Variants in ABCC5 observed in about 807,000 individuals in gnomAD.
ABCC5 encodes the protein ATP-binding cassette sub-family C member 5.
Under a neutral mutation model 160.9 loss-of-function variants are expected in ABCC5, and 61 were observed. That is an observed-to-expected ratio of 0.38 (90% CI 0.31 to 0.47). The LOEUF (loss-of-function observed/expected upper bound fraction) is 0.47. Among genes scored for constraint, ABCC5 ranks in the 20% least tolerant of loss-of-function variants. The pLI is 0.99. For synonymous variants in ABCC5, 666 were observed against 700.6 expected (o/e 0.95, Z 0.78); for missense variants, 1,308 against 1,813.3 (o/e 0.72, Z 5.06).
chr3:183,981,785 A>G lies in ABCC5; in HGVS notation c.1089T>C (p.Thr363=). ...CATACATTTTGATAAATTTAATGTA[A>G]GTAAGAACTTCATTCATCTTCTGGA... ...ERVQKMNEVL[T]YIKFIKMYAW... Residue 363 remains threonine, a synonymous_variant, in exon 8 of 30, where the codon ACT becomes ACC. Transcript: ENST00000334444. The G allele has an allele frequency of 1.2e-6, 2 of 1,610,692 alleles. No individual in the cohort carries two copies. Among genetic ancestry groups the G allele is most frequent in the Non-Finnish European group, 1.7e-6 (2 of 1,179,052 alleles).
chr3:183,970,440 T>A (rs1375049792), intron 11 of ABCC5, among the ~76,000 whole-genome samples: 1 of 89,814 alleles, frequency 1.1e-5, no homozygotes, highest in Non-Finnish European at 2.3e-5. Context: ...CTCACCCACC[T>A]TTTTTTTTTT....
chr3:183,965,673 A>G (rs896856786), intron 12 of ABCC5, among the ~76,000 whole-genome samples, 172 bp from the exon 13 acceptor site: 1 of 152,190 alleles, frequency 6.6e-6, no homozygotes, highest in African/African-American at 2.4e-5. Flanking sequence ...AGCAAAGAAA[A>G]TCAAAGTTCT....
In ABCC5 at chr3:183,971,583, T is replaced by C. The variant is rs751344236; in HGVS notation, c.1741A>G (p.Ile581Val). The C allele has an allele frequency of 6.2e-7, 1 of 1,613,910 alleles. No homozygotes were observed. The highest frequency in any genetic ancestry group is 1.3e-5 in the African/African-American group (1 of 75,030). Residue 581 changes from isoleucine (I) to valine (V), a missense_variant, in exon 11 of 30, where the codon ATC becomes GTC. Around this residue, in one of 3 missense-constraint regions of ABCC5, gnomAD observed 1,142 missense variants for 1,527.1 expected, o/e 0.75. Transcript: ENST00000334444. The stretch of plus-strand genomic sequence containing the variant: ...CTTACCTCTTGGATCTCCAGATCGA[T>C]GCTGTGCAGTGTCCTCTGTAAGCGC... ...HLRLQRTLHS[I>V]DLEIQEGKLV...
intron 29 of ABCC5, among the ~76,000 whole-genome samples, chr3:183,924,728 T>C (rs548911212): frequency 1.9e-3 from 291 of 152,044 alleles, no homozygotes; most frequent in South Asian, 0.01. Flanking sequence ...GTTCAGGGAG[T>C]TCTCTAGGGA....
rs773043531 is a variant in ABCC5 at position 183,977,616 on chromosome 3, T to A, written c.1305A>T (p.Thr435=). Residue 435 remains threonine (T), a synonymous_variant, in exon 10 of 30, where the codon ACA becomes ACT. Coordinates refer to ENST00000334444, the MANE Select transcript of ABCC5 (RefSeq NM_005688.4). ...GFDLTAAQAF[T]VVTVFNSMTF... ...TCATGGAATTGAAGACTGTCACCAC[T>A]GTGAAAGCCTGAAAATAGGAGAAGA... is the stretch of plus-strand genomic sequence containing the variant. 6.2e-7 allele frequency: 1 copy of A among 1,612,760 alleles called. No individual in the cohort carries two copies. The highest frequency in any genetic ancestry group is 1.7e-5 in the Admixed American group (1 of 59,960).
At chr3:183,953,361 G>T (rs1049212395) in intron 17 of ABCC5, 91 bp from the exon 18 acceptor site, 2 of 1,207,454 alleles carry the variant, frequency 1.7e-6, no homozygotes, top group Admixed American at 2.6e-5. Context: ...TCGGACAACC[G>T]GCAGCTTCAC....
intron 2 of ABCC5, among the ~76,000 whole-genome samples, chr3:183,996,373 G>A (rs1212122153): frequency 6.6e-6 from 1 of 152,142 alleles, no homozygotes; most frequent in African/African-American, 2.4e-5. Flanking sequence ...AAAATGCCTA[G>A]TGACAGTTTT....
At chr3:183,935,956 C>G (rs1256944814) in intron 26 of ABCC5, among the ~76,000 whole-genome samples, 1 of 152,208 alleles carries the variant, frequency 6.6e-6, no homozygotes, top group Non-Finnish European at 1.5e-5. Flanking sequence ...GTTGACACTA[C>G]ACAAACACAG....
chr3:184,006,514 T>C (rs2108911917), intron 2 of ABCC5: 1 of 152,324 alleles, frequency 6.6e-6, no homozygotes, highest in East Asian at 1.9e-4. Flanking sequence ...CACACGTCCT[T>C]AGTCTGTAAA....
intron 22 of ABCC5, among the ~76,000 whole-genome samples, chr3:183,947,913 A>T (rs1026616242): frequency 6.6e-6 from 1 of 152,176 alleles, no homozygotes; most frequent in African/African-American, 2.4e-5. Context: ...GAAATGGTTC[A>T]AGGCGAGGAA....
chr3:183,922,022 C>T (rs916952803), intron 29 of ABCC5, among the ~76,000 whole-genome samples: 1 of 150,544 alleles, frequency 6.6e-6, no homozygotes, highest in Non-Finnish European at 1.5e-5. Context: ...CACAACGAGA[C>T]TCTGCCTCAA....
intron 26 of ABCC5, among the ~76,000 whole-genome samples, chr3:183,934,108 C>T (rs1427772500): frequency 6.6e-6 from 1 of 152,182 alleles, no homozygotes; most frequent in African/African-American, 2.4e-5. Context: ...GAGTTCGAGA[C>T]CAGCCTGGCC....
At chr3:183,970,775 A>G (rs1238673632) in intron 11 of ABCC5, among the ~76,000 whole-genome samples, 1 of 152,154 alleles carries the variant, frequency 6.6e-6, no homozygotes, top group East Asian at 1.9e-4. Flanking sequence ...ACCATCTGAT[A>G]TGCAATATAT....
intron 14 of ABCC5, 50 bp downstream of exon 14, chr3:183,965,135 C>CCAGCTCTGCCA (rs1159621886): frequency 6.3e-7 from 1 of 1,594,790 alleles, no homozygotes; most frequent in Admixed American, 1.7e-5. Context: ...CAGCTCTGGC[C>CCAGCTCTGCCA]CAGCTCTGCC....
intron 1 of ABCC5, 29 bp from the exon 2 acceptor site, chr3:184,014,476 A>G: frequency 1.4e-6 from 2 of 1,454,880 alleles, no homozygotes; most frequent in Non-Finnish European, 1.8e-6. Flanking sequence ...CAAGAAATAG[A>G]TTATTTCCTA....
chr3:183,987,549 A>C lies in ABCC5; in HGVS notation c.591+221T>G, dbSNP rs1256298199. ...CTGGAGTCAGTTCCATTTCACCCCC[A>C]CCCAGAAATCAAGCCAGTTCCATTT... On this transcript the variant is annotated intron_variant, in intron 5 of 29. Coordinates refer to ENST00000334444, the MANE Select transcript of ABCC5 (RefSeq NM_005688.4). The surrounding 1 kb of genome is among the most constrained non-coding windows in gnomAD (Gnocchi z 4.2). 4.7e-6 allele frequency: 3 copies of C among 643,936 alleles called. No homozygotes were observed. The African/African-American group carries it at 5.5e-5, about 12-fold the overall frequency. The allele number at this position is 643,936 out of a possible 1,614,324, so 39.9% of individuals were successfully genotyped here.
chr3:183,958,708 C>T (rs1716454618), intron 17 of ABCC5, among the ~76,000 whole-genome samples: 2 of 151,868 alleles, frequency 1.3e-5, no homozygotes, highest in Admixed American at 6.6e-5. Context: ...AGCGCAGTGG[C>T]TCACCTCGGC....
rs1719321566 is a variant in ABCC5, at chr3:183,987,450, T to C, written c.591+320A>G. Reference sequence around the variant, plus strand: ...ACGTGCTCTCACCCACTCATAGCACTGCAAGACACATCTGCCTGCACCGAC... The same window carrying C: ...ACGTGCTCTCACCCACTCATAGCACCGCAAGACACATCTGCCTGCACCGAC... On this transcript the variant is annotated intron_variant, in intron 5 of 29. Transcript: ENST00000334444. The surrounding 1 kb of genome is among the most constrained non-coding windows in gnomAD (Gnocchi z 4.2). 1.7e-6 allele frequency: 1 copy of C among 591,376 alleles called. No homozygotes were observed. The highest frequency in any genetic ancestry group is 2.0e-5 in the South Asian group (1 of 49,020). 36.6% of individuals were successfully genotyped at this position (591,376 alleles called of 1,614,324 possible).
chr3:183,961,313 C>A (rs1169068444), intron 16 of ABCC5, among the ~76,000 whole-genome samples, 198 bp downstream of exon 16: 1 of 152,140 alleles, frequency 6.6e-6, no homozygotes, highest in African/African-American at 2.4e-5. Flanking sequence ...GACCTCAGCT[C>A]ACCAGCCCCA....
Sources: gnomAD v4.1 joint callset for allele counts (sites outside exome capture counted in the v4.1 genomes callset) on GRCh38, gnomAD v4.1.1 for gene constraint, gnomAD v4.1.1 regional missense constraint, Gnocchi (gnomAD v3.1) non-coding constraint, MANE v1.5 for transcripts, NCBI Gene and HGNC (gene_info 2026-07-23, HGNC 2026-07-21) for gene names.